PPP2R5A: variants seen among roughly 807,000 people sequenced by gnomAD.
The protein encoded by PPP2R5A is protein phosphatase 2 regulatory subunit B'alpha.
Under a neutral mutation model 64.2 loss-of-function variants are expected in PPP2R5A, and 25 were observed. The ratio of observed to expected loss-of-function variants is 0.39; its 90% CI spans 0.28 to 0.54. The LOEUF (loss-of-function observed/expected upper bound fraction) is 0.54. PPP2R5A is among the 20% of genes least tolerant of loss of function. PPP2R5A has a pLI of 0.67. For missense variants in PPP2R5A, 425 were observed against 576.3 expected (o/e 0.74, Z 2.69); for synonymous variants, 198 against 201.2 (o/e 0.98, Z 0.13).
rs970868939 is a variant in PPP2R5A at position 212,357,220 on chromosome 1, A to C, written c.1162A>C (p.Ile388Leu). 5 of 1,596,404 alleles carry C rather than the reference A, an allele frequency of 3.1e-6. No individual in the cohort carries two copies. The highest frequency in any genetic ancestry group is 4.3e-6 in the Non-Finnish European group (5 of 1,174,452). Residue 388 changes from isoleucine (I) to leucine (L), a missense_variant, in exon 11 of 13, where the codon ATT becomes CTT. Ile to Leu is a conservative substitution (Grantham distance 5). Transcript: ENST00000261461. ...EYILSLIEEN[I>L]DKILPIMFAS... is the part of the protein sequence containing the mutation. Reference sequence around the variant, plus strand: ...TATTCTTAGTTTGATTGAGGAGAACATTGATAAAATTCTGCCAATTATGTT... The same window carrying C: ...TATTCTTAGTTTGATTGAGGAGAACCTTGATAAAATTCTGCCAATTATGTT...
intron 1 of PPP2R5A, among the ~76,000 whole-genome samples, chr1:212,318,408 A>G (rs1031459164): frequency 1.3e-5 from 2 of 152,090 alleles, no homozygotes; most frequent in Non-Finnish European, 2.9e-5. Context: ...CTGCTTTTAA[A>G]TTTTTTTATT....
intron 1 of PPP2R5A, among the ~76,000 whole-genome samples, chr1:212,320,806 G>A (rs1284203116): frequency 7.3e-6 from 1 of 137,668 alleles, no homozygotes; most frequent in African/African-American, 2.7e-5. Context: ...CTGGCCGGGC[G>A]GGGGGCTGAC....
chr1:212,332,777 G>A (rs983409776), intron 2 of PPP2R5A, among the ~76,000 whole-genome samples: 5 of 152,088 alleles, frequency 3.3e-5, no homozygotes, highest in African/African-American at 9.7e-5. Context: ...GAATATGGGA[G>A]GAATTATAGA....
chr1:212,351,717 G>A (rs1659883142), intron 8 of PPP2R5A, among the ~76,000 whole-genome samples: 1 of 152,082 alleles, frequency 6.6e-6, no homozygotes, highest in East Asian at 1.9e-4. Flanking sequence ...GCAACAGAGT[G>A]AGACTCCGTC....
Position 212,286,029 on chromosome 1 carries a change from C to A in PPP2R5A, c.-82C>A. The A allele has an allele frequency of 3.6e-6, 5 of 1,383,614 alleles. No homozygotes were observed. Among genetic ancestry groups the A allele is most frequent in the South Asian group, 1.5e-5 (1 of 65,510 alleles). The allele number at this position is 1,383,614 out of a possible 1,614,324, so 85.7% of individuals were successfully genotyped here. ...AGGGGCGCGAGCACCCCGCGCCTCT[C>A]CCCCGCCTCCTCCTGCCGTCTCCGC... is the stretch of plus-strand genomic sequence containing the variant. On this transcript the variant is annotated 5_prime_UTR_variant, in exon 1 of 13. Coordinates refer to ENST00000261461, the MANE Select transcript of PPP2R5A (RefSeq NM_006243.4).
At position 212,348,490 on chromosome 1, in the gene PPP2R5A, A is replaced by G. The variant is rs781225971; in HGVS notation, c.866A>G (p.His289Arg). 3.2e-6 allele frequency: 5 copies of G among 1,573,664 alleles called. No homozygotes were observed. The highest frequency in any genetic ancestry group is 1.7e-5 in the Admixed American group (1 of 58,608). ...MHTAKGLALF[H>R]AQLAYCVVQF... ...ACTGCAAAAGGATTAGCTTTGTTTCATGCTCAGGTAAGTTTCAGAAACATT... is the reference window on the plus strand; with the variant it reads ...ACTGCAAAAGGATTAGCTTTGTTTCGTGCTCAGGTAAGTTTCAGAAACATT... Residue 289 changes from histidine (H) to arginine (R), a missense_variant, in exon 7 of 13, where the codon CAT becomes CGT. Physicochemically the swap from His to Arg is conservative, Grantham distance 29 (BLOSUM62 0). Around this residue, in one of 4 missense-constraint regions of PPP2R5A, gnomAD observed 177 missense variants for 244.8 expected, o/e 0.72. Transcript: ENST00000261461.
intron 1 of PPP2R5A, among the ~76,000 whole-genome samples, chr1:212,314,968 A>C (rs1399814529): frequency 6.6e-6 from 1 of 152,148 alleles, no homozygotes; most frequent in Non-Finnish European, 1.5e-5. Flanking sequence ...CAGCCTCCCA[A>C]AGTGTTGGGA....
intron 1 of PPP2R5A, among the ~76,000 whole-genome samples, chr1:212,290,291 C>G (rs1190334535): frequency 6.6e-6 from 1 of 152,156 alleles, no homozygotes; most frequent in African/African-American, 2.4e-5. Context: ...ATCTTAAGTT[C>G]TATAGCTAAA....
At chr1:212,331,186 G>T (rs1350012653) in intron 2 of PPP2R5A, among the ~76,000 whole-genome samples, 1 of 133,356 alleles carries the variant, frequency 7.5e-6, no homozygotes, top group Non-Finnish European at 1.6e-5. Context: ...AAAAAAAAAA[G>T]AGAGTGTCTC....
chr1:212,348,344 A>G lies in PPP2R5A; in HGVS notation c.765-45A>G, dbSNP rs1467246106. On this transcript the variant is annotated intron_variant, in intron 6 of 12. Coordinates refer to ENST00000261461, the MANE Select transcript of PPP2R5A (RefSeq NM_006243.4). ...ATGGATATGACAGCTTTTAGAAACA[A>G]AGTAGTAACTACTTAACCCTTCCCC... 2.4e-6 allele frequency: 3 copies of G among 1,245,148 alleles called. No individual in the cohort carries two copies. The African/African-American group carries it at 4.4e-5, about 18-fold the overall frequency. The allele number at this position is 1,245,148 out of a possible 1,614,324, so 77.1% of individuals were successfully genotyped here.
intron 11 of PPP2R5A, 48 bp downstream of exon 11, chr1:212,357,332 TA>T: frequency 7.2e-7 from 1 of 1,394,342 alleles, no homozygotes; most frequent in Non-Finnish European, 9.6e-7. Flanking sequence ...TTTTTTTTTA[TA>T]TCTTTTTGTT....
intron 1 of PPP2R5A, chr1:212,297,596 G>A (rs1202206174): frequency 2.6e-5 from 4 of 152,218 alleles, no homozygotes; most frequent in Non-Finnish European, 1.5e-5. Flanking sequence ...GGCTATAGGT[G>A]CTGGGCAAGT....
At chr1:212,297,093 C>CCTCTTTTTT (rs1558138694) in intron 1 of PPP2R5A, among the ~76,000 whole-genome samples, 3 of 81,916 alleles carry the variant, frequency 3.7e-5, no homozygotes, top group African/African-American at 1.5e-4. Context: ...TTCTTTGCTT[C>CCTCTTTTTT]TTCTTTTTTT....
In PPP2R5A at chr1:212,323,228, A is replaced by G. The variant is rs933544972; in HGVS notation, c.182-5907A>G. 2.0e-4 allele frequency among the ~76,000 whole-genome samples: 30 copies of G among 152,206 alleles called. 1 individual carries two copies. The highest frequency in any genetic ancestry group is 2.0e-3 in the Admixed American group (30 of 15,280). On this transcript the variant is annotated intron_variant, in intron 1 of 12. Transcript: ENST00000261461. ...TTGTACCTTTTCCATTTTGCCTGATAGCATTACTTTCTGTGTTCTGTATCT... is the reference window on the plus strand; with the variant it reads ...TTGTACCTTTTCCATTTTGCCTGATGGCATTACTTTCTGTGTTCTGTATCT...
At chr1:212,293,172 A>C (rs1658633559) in intron 1 of PPP2R5A, among the ~76,000 whole-genome samples, 1 of 152,256 alleles carries the variant, frequency 6.6e-6, no homozygotes, top group Non-Finnish European at 1.5e-5. Context: ...TAGTAAATGT[A>C]GGTTTAAAAC....
chr1:212,316,768 C>T (rs950145765), intron 1 of PPP2R5A, among the ~76,000 whole-genome samples: 1 of 151,778 alleles, frequency 6.6e-6, no homozygotes, highest in Non-Finnish European at 1.5e-5. Context: ...TATGGATAAA[C>T]AAAAAATTAC....
chr1:212,334,499 G>T (rs992341126), intron 3 of PPP2R5A, among the ~76,000 whole-genome samples: 4 of 152,184 alleles, frequency 2.6e-5, no homozygotes, highest in African/African-American at 9.6e-5. Flanking sequence ...TTGCCATGTT[G>T]CCCAGGCTGG....
intron 11 of PPP2R5A, among the ~76,000 whole-genome samples, chr1:212,357,675 C>T (rs968270171): frequency 5.3e-5 from 8 of 151,928 alleles, no homozygotes; most frequent in Admixed American, 2.6e-4. Context: ...TGGTGGCGGG[C>T]GCCTGTGGTC....
chr1:212,316,668 T>C (rs1209293131), intron 1 of PPP2R5A, among the ~76,000 whole-genome samples: 2 of 147,836 alleles, frequency 1.4e-5, no homozygotes, highest in African/African-American at 2.5e-5. Flanking sequence ...AGTAATGTGC[T>C]AAATTATCCC....
Sources: gnomAD v4.1 joint callset for allele counts (sites outside exome capture counted in the v4.1 genomes callset) on GRCh38, gnomAD v4.1.1 for gene constraint, gnomAD v4.1.1 regional missense constraint, MANE v1.5 for transcripts, NCBI Gene and HGNC (gene_info 2026-07-23, HGNC 2026-07-21) for gene names.